The following PKNOX2 variants were observed in gnomAD, a reference collection of about 807,000 sequenced individuals.
PKNOX2 encodes homeobox protein PKNOX2.
A neutral mutation model predicts 53.1 loss-of-function variants in PKNOX2; 14 were observed. That is an observed-to-expected ratio of 0.26 (90% CI 0.17 to 0.41). The LOEUF (loss-of-function observed/expected upper bound fraction) is 0.41, where lower values mean the gene tolerates loss of function less well. Among genes scored for constraint, PKNOX2 ranks in the 10% least tolerant of loss-of-function variants. The probability of loss-of-function intolerance (pLI) is 1.00; values close to 1 mark genes in which losing one functional copy is unlikely to be tolerated. For synonymous variants in PKNOX2, 257 were observed against 242.8 expected (o/e 1.06, Z -0.54); for missense variants, 496 against 602.8 (o/e 0.82, Z 1.85).
chr11:125,348,677 G>A (rs904770502), intron 3 of PKNOX2, among the ~76,000 whole-genome samples: 1 of 152,202 alleles, frequency 6.6e-6, no homozygotes, highest in African/African-American at 2.4e-5. Context: ...AAATATTTCT[G>A]GGGACAGCGC....
At chr11:125,189,470 T>C (rs1956729943) in intron 1 of PKNOX2, among the ~76,000 whole-genome samples, 1 of 125,374 alleles carries the variant, frequency 8.0e-6, no homozygotes, top group African/African-American at 3.0e-5. Flanking sequence ...TATATATATA[T>C]ATATATATAT....
intron 4 of PKNOX2, among the ~76,000 whole-genome samples, chr11:125,367,623 G>A (rs1210538283): frequency 2.0e-5 from 3 of 152,142 alleles, no homozygotes; most frequent in Non-Finnish European, 1.5e-5. Flanking sequence ...CCTGGTTTTG[G>A]ATGGCCTGAA....
chr11:125,423,285 A>G (rs1380502005), intron 10 of PKNOX2, among the ~76,000 whole-genome samples: 1 of 152,194 alleles, frequency 6.6e-6, no homozygotes, highest in Non-Finnish European at 1.5e-5. Context: ...TTCTAACAGT[A>G]CTGCCTCCAC....
chr11:125,404,547 G>C (rs1764427838), intron 7 of PKNOX2, among the ~76,000 whole-genome samples: 1 of 152,128 alleles, frequency 6.6e-6, no homozygotes. Flanking sequence ...TGCCGGGAAG[G>C]GGTGTCTGGG....
At chr11:125,303,310 G>A (rs7116237) in intron 2 of PKNOX2, among the ~76,000 whole-genome samples, 42,645 of 152,106 alleles carry the variant, frequency 0.28, 7,806 homozygotes, top group East Asian at 0.54. Flanking sequence ...CCTCACTTTT[G>A]CAGATGAGCA....
intron 2 of PKNOX2, among the ~76,000 whole-genome samples, chr11:125,250,321 A>G (rs1029677448): frequency 6.6e-6 from 1 of 152,132 alleles, no homozygotes; most frequent in African/African-American, 2.4e-5. Flanking sequence ...TAAATTTTCA[A>G]ACAGATTTCA....
intron 2 of PKNOX2, among the ~76,000 whole-genome samples, chr11:125,273,956 T>C (rs1355665118): frequency 6.6e-6 from 1 of 152,134 alleles, no homozygotes; most frequent in African/African-American, 2.4e-5. Flanking sequence ...CAGGATCTTC[T>C]TGGATATTGT....
chr11:125,373,489 C>T (rs1268322779), intron 5 of PKNOX2, among the ~76,000 whole-genome samples: 1 of 152,198 alleles, frequency 6.6e-6, no homozygotes, highest in African/African-American at 2.4e-5. Flanking sequence ...ACCATCTCCT[C>T]ATCTAGATTG....
intron 6 of PKNOX2, among the ~76,000 whole-genome samples, chr11:125,387,742 C>A (rs966598896): frequency 1.3e-5 from 2 of 152,136 alleles, no homozygotes; most frequent in African/African-American, 2.4e-5. Context: ...GTGGAGCAAT[C>A]CTTGGACATT....
At chr11:125,175,239 GGAAGGAAGGAAA>G (rs113234006) in intron 1 of PKNOX2, among the ~76,000 whole-genome samples, 26,165 of 147,106 alleles carry the variant, frequency 0.18, 2,430 homozygotes, top group South Asian at 0.24. Context: ...AAGGAAGGAA[GGAAGGAAGGAAA>G]GAAGGAAGGA....
Position 125,210,317 on chromosome 11 carries a change from G to C in PKNOX2, c.-200-24728G>C, listed in dbSNP as rs755294617. On this transcript the variant is annotated intron_variant, in intron 1 of 12. Transcript: ENST00000298282. The stretch of plus-strand genomic sequence containing the variant: ...TCACTGACTGGAATTCCAGGAATCT[G>C]CCCTTCTCTCTTTGGGGATGTCATC... Among the ~76,000 whole-genome samples the C allele has an allele frequency of 8.7e-4, 133 of 152,122 alleles. 1 individual carries two copies. Among genetic ancestry groups the C allele is most frequent in the Non-Finnish European group, 1.6e-3 (106 of 67,988 alleles).
intron 6 of PKNOX2, among the ~76,000 whole-genome samples, chr11:125,395,912 C>T (rs1954359033): frequency 6.7e-6 from 1 of 150,110 alleles, no homozygotes; most frequent in Admixed American, 6.6e-5. Context: ...GAAGAGTAAA[C>T]ATTTTTAATT....
chr11:125,272,062 C>A (rs956904030), intron 2 of PKNOX2, among the ~76,000 whole-genome samples: 1 of 152,246 alleles, frequency 6.6e-6, no homozygotes, highest in Non-Finnish European at 1.5e-5. Context: ...TTTTATTAAA[C>A]CTGACAAATA....
chr11:125,340,188 T>C (rs1424981513), intron 3 of PKNOX2, among the ~76,000 whole-genome samples: 2 of 152,172 alleles, frequency 1.3e-5, no homozygotes, highest in Non-Finnish European at 2.9e-5. Context: ...AGAGTGTGTG[T>C]CCATTAACTG....
intron 3 of PKNOX2, among the ~76,000 whole-genome samples, chr11:125,338,288 T>C (rs1277080725): frequency 6.6e-6 from 1 of 152,210 alleles, no homozygotes; most frequent in Non-Finnish European, 1.5e-5. Flanking sequence ...AAGTGCCTCA[T>C]TAAGTGAGCT....
chr11:125,186,151 T>C (rs935406169), intron 1 of PKNOX2, among the ~76,000 whole-genome samples: 3 of 152,168 alleles, frequency 2.0e-5, no homozygotes, highest in African/African-American at 7.2e-5. Flanking sequence ...TGTCAAGTGA[T>C]GTTGAATGTC....
intron 2 of PKNOX2, among the ~76,000 whole-genome samples, chr11:125,321,946 G>C (rs1412807556): frequency 6.6e-6 from 1 of 152,122 alleles, no homozygotes; most frequent in Non-Finnish European, 1.5e-5. Flanking sequence ...GCTCACTCGA[G>C]TCTTTTTTAT....
In PKNOX2 at chr11:125,174,869, A is replaced by G. The variant is rs915577504; in HGVS notation, c.-201+10093A>G. Among the ~76,000 whole-genome samples, 4 of 151,900 alleles carry G rather than the reference A, an allele frequency of 2.6e-5. No individual in the cohort carries two copies. The East Asian group carries it at 7.8e-4, about 30-fold the overall frequency. Reference sequence around the variant, plus strand: ...CGGCCCCTCTCCCACTCTGCCCCCCACCCACCGGCTCTGGGAGGAGACAAC... The same window carrying G: ...CGGCCCCTCTCCCACTCTGCCCCCCGCCCACCGGCTCTGGGAGGAGACAAC... On this transcript the variant is annotated intron_variant, in intron 1 of 12. Coordinates refer to ENST00000298282, the MANE Select transcript of PKNOX2 (RefSeq NM_001382323.2).
intron 2 of PKNOX2, among the ~76,000 whole-genome samples, chr11:125,280,567 T>G (rs539139527): frequency 7.0e-4 from 107 of 152,292 alleles, no homozygotes; most frequent in Middle Eastern, 3.4e-3. Context: ...CTTCTCTAGC[T>G]TTTCCTGTGA....
Sources: allele counts gnomAD v4.1 joint callset (sites outside exome capture counted in the v4.1 genomes callset), GRCh38; gene constraint gnomAD v4.1.1; transcripts MANE v1.5; gene names NCBI Gene and HGNC (gene_info 2026-07-23, HGNC 2026-07-21).